Variants in SYN2 observed in about 807,000 individuals in gnomAD.
The protein encoded by SYN2 is synapsin II.
In SYN2, 19 loss-of-function variants were observed where a neutral mutation model predicts 50.9. The ratio of observed to expected loss-of-function variants is 0.37; its 90% CI spans 0.26 to 0.55. SYN2 has a LOEUF of 0.55. Among genes scored for constraint, SYN2 ranks in the 20% least tolerant of loss-of-function variants. The probability of loss-of-function intolerance (pLI) is 0.81; values close to 1 mark genes in which losing one functional copy is unlikely to be tolerated. For missense variants in SYN2, 587 were observed against 576.4 expected, an observed-to-expected ratio of 1.02 and a Z score of -0.19; for synonymous variants, 255 against 224.9, an observed-to-expected ratio of 1.13 and a Z score of -1.20.
intron 11 of SYN2, chr3:12,185,335 C>G: frequency 1.0e-6 from 1 of 985,746 alleles, no homozygotes. Flanking sequence ...GTGTGTACAT[C>G]TGGTGCTTTT....
intron 1 of SYN2, among the ~76,000 whole-genome samples, chr3:12,057,816 A>C (rs1401853882): frequency 6.6e-6 from 1 of 152,228 alleles, no homozygotes; most frequent in Non-Finnish European, 1.5e-5. Flanking sequence ...CTTAAAAATA[A>C]ACATGTAAGT....
chr3:12,076,425 C>T (rs781019090), intron 1 of SYN2, among the ~76,000 whole-genome samples: 32 of 151,828 alleles, frequency 2.1e-4, no homozygotes, highest in Non-Finnish European at 2.5e-4. Flanking sequence ...TTTTTGATTA[C>T]GGTAACATGA....
At chr3:12,112,294 C>G (rs1228085137) in intron 1 of SYN2, among the ~76,000 whole-genome samples, 2 of 152,256 alleles carry the variant, frequency 1.3e-5, no homozygotes, top group East Asian at 1.9e-4. Flanking sequence ...GAGGGTATTC[C>G]TGGCAACTTC....
intron 1 of SYN2, among the ~76,000 whole-genome samples, chr3:12,117,886 A>G (rs1696467263): frequency 6.6e-6 from 1 of 151,984 alleles, no homozygotes; most frequent in East Asian, 1.9e-4. Flanking sequence ...TCTGTGCCAC[A>G]CTCCACTTAG....
chr3:12,009,107 G>C (rs1232974586), intron 1 of SYN2, among the ~76,000 whole-genome samples: 2 of 152,198 alleles, frequency 1.3e-5, no homozygotes, highest in Admixed American at 1.3e-4. Context: ...AATACTTTAA[G>C]CGTCTTATTT....
chr3:12,057,125 C>G (rs1404571906), intron 1 of SYN2, among the ~76,000 whole-genome samples: 2 of 152,162 alleles, frequency 1.3e-5, no homozygotes, highest in African/African-American at 2.4e-5. Context: ...AAACCCATCT[C>G]TACTAAAAAT....
chr3:12,150,673 A>G (rs796330571), intron 4 of SYN2, among the ~76,000 whole-genome samples: 22 of 152,334 alleles, frequency 1.4e-4, no homozygotes, highest in African/African-American at 4.1e-4. Flanking sequence ...GGGCCTGTCT[A>G]TCCCACATAC....
chr3:12,171,529 G>A (rs1455081389), intron 10 of SYN2, among the ~76,000 whole-genome samples: 4 of 152,202 alleles, frequency 2.6e-5, no homozygotes, highest in Non-Finnish European at 4.4e-5. Context: ...ACATTACCCA[G>A]ACAGAATGGG....
intron 1 of SYN2, among the ~76,000 whole-genome samples, chr3:12,057,168 T>G (rs1241499709): frequency 6.6e-6 from 1 of 152,048 alleles, no homozygotes; most frequent in African/African-American, 2.4e-5. Flanking sequence ...GGCATGCGCC[T>G]GTAATCCCAG....
At chr3:12,089,181 C>A (rs1695774484) in intron 1 of SYN2, among the ~76,000 whole-genome samples, 1 of 152,102 alleles carries the variant, frequency 6.6e-6, no homozygotes, top group African/African-American at 2.4e-5. Context: ...ATATCTGAGA[C>A]TGAAAAAGAG....
Position 12,190,968 on chromosome 3 carries a change from GTGGACTCC to G in SYN2, c.*347_*354del. ...CTTCCCTGTGAAACCAGGATTAATC[GTGGACTCC>G]TGGCAGCTTAACCTAGCTCAGTTGC... is the stretch of plus-strand genomic sequence containing the variant. On this transcript the variant is annotated 3_prime_UTR_variant, in exon 13 of 13. Coordinates refer to ENST00000621198, the MANE Select transcript of SYN2 (RefSeq NM_133625.6). 2 of 1,041,452 alleles carry G rather than the reference GTGGACTCC, an allele frequency of 1.9e-6. No homozygotes were observed. Among genetic ancestry groups the G allele is most frequent in the Non-Finnish European group, 2.3e-6 (2 of 866,902 alleles). The allele number at this position is 1,041,452 out of a possible 1,614,324, so 64.5% of individuals were successfully genotyped here.
chr3:12,098,996 T>A (rs146379070), intron 1 of SYN2, among the ~76,000 whole-genome samples: 2 of 151,812 alleles, frequency 1.3e-5, no homozygotes, highest in Non-Finnish European at 2.9e-5. Flanking sequence ...TGATAAAAGA[T>A]CACTCTATCA....
At chr3:12,076,143 C>T (rs935392119) in intron 1 of SYN2, among the ~76,000 whole-genome samples, 1 of 152,056 alleles carries the variant, frequency 6.6e-6, no homozygotes, top group African/African-American at 2.4e-5. Flanking sequence ...AAAGTTCATG[C>T]TTTTTCTTCT....
At chr3:12,088,783 A>G (rs1024512539) in intron 1 of SYN2, among the ~76,000 whole-genome samples, 3 of 152,242 alleles carry the variant, frequency 2.0e-5, no homozygotes, top group African/African-American at 7.2e-5. Flanking sequence ...GAAAGAAGCC[A>G]GACTCATGGA....
At chr3:12,024,894 C>A (rs894589322) in intron 1 of SYN2, among the ~76,000 whole-genome samples, 1 of 152,210 alleles carries the variant, frequency 6.6e-6, no homozygotes, top group Non-Finnish European at 1.5e-5. Context: ...TTTACACTCC[C>A]ACCAGCAGTA....
At chr3:12,057,287 C>CTGTGTGTGTGTGTGTGTGTG (rs59286785) in intron 1 of SYN2, among the ~76,000 whole-genome samples, 47 of 133,996 alleles carry the variant, frequency 3.5e-4, no homozygotes, top group African/African-American at 1.2e-3. Context: ...GCAAGACTGT[C>CTGTGTGTGTGTGTGTGTGTG]TGTGTGTGTG....
intron 1 of SYN2, among the ~76,000 whole-genome samples, chr3:12,104,057 ATACT>A (rs1696128832): frequency 6.6e-6 from 1 of 152,226 alleles, no homozygotes; most frequent in Non-Finnish European, 1.5e-5. Flanking sequence ...GGTAACAATA[ATACT>A]TAAATAAAGC....
At chr3:12,135,447 T>C (rs1300350377) in intron 1 of SYN2, among the ~76,000 whole-genome samples, 1 of 152,198 alleles carries the variant, frequency 6.6e-6, no homozygotes, top group Non-Finnish European at 1.5e-5. Context: ...GTGCTAGATA[T>C]TTACTAGGTG....
intron 1 of SYN2, among the ~76,000 whole-genome samples, chr3:12,102,109 G>GAT (rs1289757783): frequency 6.6e-6 from 1 of 152,146 alleles, no homozygotes; most frequent in Non-Finnish European, 1.5e-5. Flanking sequence ...TTGAAGGATA[G>GAT]AGCAGAATTT....
Sources: allele counts gnomAD v4.1 joint callset (sites outside exome capture counted in the v4.1 genomes callset), GRCh38; gene constraint gnomAD v4.1.1; transcripts MANE v1.5; gene names NCBI Gene and HGNC (gene_info 2026-07-23, HGNC 2026-07-21).